The following NTRK2 variants were observed in gnomAD, a reference collection of about 807,000 sequenced individuals.
NTRK2 encodes the protein BDNF/NT-3 growth factors receptor.
NTRK2 carries 13 observed loss-of-function variants against 94.5 expected under a neutral mutation model. The observed-to-expected ratio is 0.14, with a 90% confidence interval of 0.09 to 0.22. The LOEUF is 0.22. Ranked by LOEUF, NTRK2 falls within the 10% of genes least tolerant of loss-of-function variation. NTRK2 has a pLI of 1.00. For missense variants in NTRK2, 639 were observed against 1,071.2 expected, an observed-to-expected ratio of 0.60 and a Z score of 5.63; for synonymous variants, 372 against 407.4, an observed-to-expected ratio of 0.91 and a Z score of 1.05.
intron 17 of NTRK2, among the ~76,000 whole-genome samples, chr9:85,015,301 T>C (rs1435610693): frequency 5.3e-5 from 8 of 152,126 alleles, no homozygotes; most frequent in African/African-American, 1.9e-4. Flanking sequence ...CTTATACAAC[T>C]TAGAGAGACT....
intron 12 of NTRK2, among the ~76,000 whole-genome samples, chr9:84,763,085 A>G (rs1312964817): frequency 6.6e-6 from 1 of 152,144 alleles, no homozygotes. Context: ...GGGACATGGA[A>G]AATACTGAGA....
intron 14 of NTRK2, among the ~76,000 whole-genome samples, chr9:84,898,334 G>A (rs773693573): frequency 3.9e-5 from 6 of 152,128 alleles, no homozygotes; most frequent in Non-Finnish European, 8.8e-5. Flanking sequence ...CTGTCTGTCC[G>A]TGGCTGGCTA....
chr9:84,844,419 A>G (rs2074354361), intron 12 of NTRK2, among the ~76,000 whole-genome samples: 2 of 152,076 alleles, frequency 1.3e-5, no homozygotes, highest in African/African-American at 4.8e-5. Flanking sequence ...TTGTAAGGGG[A>G]GGGAGGTCAA....
chr9:84,881,190 G>A (rs1235728823), intron 14 of NTRK2, among the ~76,000 whole-genome samples: 1 of 152,176 alleles, frequency 6.6e-6, no homozygotes. Flanking sequence ...CGAAATATTT[G>A]CCAGTATGGA....
chr9:84,929,125 C>G (rs1243209455), intron 14 of NTRK2, among the ~76,000 whole-genome samples: 1 of 152,148 alleles, frequency 6.6e-6, no homozygotes, highest in East Asian at 1.9e-4. Flanking sequence ...AATACTTTAT[C>G]TATTGCCTGT....
At chr9:84,960,026 A>T (rs1238928280) in intron 17 of NTRK2, among the ~76,000 whole-genome samples, 1 of 152,216 alleles carries the variant, frequency 6.6e-6, no homozygotes, top group East Asian at 1.9e-4. Flanking sequence ...AGTGGTAAGA[A>T]ACCCTGTCCT....
intron 12 of NTRK2, among the ~76,000 whole-genome samples, chr9:84,760,243 A>G (rs1156691808): frequency 6.6e-6 from 1 of 152,216 alleles, no homozygotes; most frequent in Non-Finnish European, 1.5e-5. Flanking sequence ...TGAGGGAATA[A>G]TACTCATCTC....
At chr9:84,926,481 C>T (rs547459045) in intron 14 of NTRK2, among the ~76,000 whole-genome samples, 33 of 152,052 alleles carry the variant, frequency 2.2e-4, no homozygotes, top group Non-Finnish European at 4.7e-4. Context: ...ATCTGCCCTC[C>T]TCGGCCTCCC....
At chr9:84,820,581 A>AT (rs1491232958) in intron 12 of NTRK2, among the ~76,000 whole-genome samples, 1 of 152,062 alleles carries the variant, frequency 6.6e-6, no homozygotes, top group Admixed American at 6.6e-5. Context: ...CTTTTCGTTA[A>AT]TTTTTTCAAT....
intron 17 of NTRK2, among the ~76,000 whole-genome samples, chr9:85,007,354 A>T (rs1392624963): frequency 6.6e-6 from 1 of 152,222 alleles, no homozygotes. Flanking sequence ...GGACCCTGCA[A>T]GGAAAGGACA....
At chr9:84,846,895 T>C (rs1326991071) in intron 12 of NTRK2, among the ~76,000 whole-genome samples, 1 of 152,204 alleles carries the variant, frequency 6.6e-6, no homozygotes, top group East Asian at 1.9e-4. Context: ...CATTTCTTCA[T>C]AGGCATGGGC....
At chr9:84,851,242 T>C (rs530926201) in intron 12 of NTRK2, among the ~76,000 whole-genome samples, 6 of 152,272 alleles carry the variant, frequency 3.9e-5, no homozygotes, top group Admixed American at 3.9e-4. Flanking sequence ...TTGATTAGTT[T>C]CCAGAAAATC....
intron 17 of NTRK2, among the ~76,000 whole-genome samples, chr9:84,958,568 G>GC (rs757433173): frequency 7.9e-5 from 12 of 152,134 alleles, no homozygotes; most frequent in Non-Finnish European, 1.6e-4. Context: ...CACCCCCGTG[G>GC]CCACTACTCG....
intron 2 of NTRK2, among the ~76,000 whole-genome samples, chr9:84,675,365 A>G (rs180843317): frequency 2.0e-4 from 21 of 105,688 alleles, no homozygotes; most frequent in African/African-American, 6.7e-4. Context: ...TTGAGTGTTA[A>G]GCAAGTGCAT....
chr9:84,744,423 T>A (rs1415570095), intron 10 of NTRK2, among the ~76,000 whole-genome samples: 4 of 152,186 alleles, frequency 2.6e-5, no homozygotes, highest in African/African-American at 9.7e-5. Flanking sequence ...GTTCCACATA[T>A]CCTCTTACGT....
chr9:84,804,500 T>C (rs2070871906), intron 12 of NTRK2, among the ~76,000 whole-genome samples: 1 of 152,236 alleles, frequency 6.6e-6, no homozygotes, highest in Non-Finnish European at 1.5e-5. Flanking sequence ...GCAACTCACA[T>C]TGTGTATATC....
chr9:84,890,401 T>C (rs1439420345), intron 14 of NTRK2, among the ~76,000 whole-genome samples: 1 of 152,058 alleles, frequency 6.6e-6, no homozygotes, highest in Non-Finnish European at 1.5e-5. Context: ...CTGTAGGGGG[T>C]ACTCAGAATC....
intron 12 of NTRK2, among the ~76,000 whole-genome samples, chr9:84,797,443 A>G (rs1387695667): frequency 6.8e-6 from 1 of 146,134 alleles, no homozygotes; most frequent in African/African-American, 2.5e-5. Context: ...AGCTGAACAC[A>G]GTGACTGGAT....
intron 10 of NTRK2, 90 bp downstream of exon 10, chr9:84,742,017 C>A: frequency 2.5e-6 from 3 of 1,187,930 alleles, no homozygotes; most frequent in South Asian, 1.3e-5. Context: ...CTTCTAAGCT[C>A]AGTTAAATTT....
Sources: gnomAD v4.1 joint callset for allele counts (sites outside exome capture counted in the v4.1 genomes callset) on GRCh38, gnomAD v4.1.1 for gene constraint, MANE v1.5 for transcripts, NCBI Gene and HGNC (gene_info 2026-07-23, HGNC 2026-07-21) for gene names.